The following NPR2 variants were observed in gnomAD, a reference collection of about 807,000 sequenced individuals.
NPR2 encodes natriuretic peptide receptor 2.
A neutral mutation model predicts 120.7 loss-of-function variants in NPR2; 49 were observed. That is an observed-to-expected ratio of 0.41 (90% CI 0.32 to 0.52). NPR2 has a LOEUF of 0.52. NPR2 is among the 20% of genes least tolerant of loss of function. The probability of loss-of-function intolerance (pLI) is 0.36; values close to 1 mark genes in which losing one functional copy is unlikely to be tolerated. For synonymous variants in NPR2, 484 were observed against 519.8 expected, an observed-to-expected ratio of 0.93 and a Z score of 0.94; for missense variants, 931 against 1,362.9, an observed-to-expected ratio of 0.68 and a Z score of 4.99.
chr9:35,792,732 G>A lies in NPR2; in HGVS notation c.324G>A (p.Val108=). 6.2e-7 allele frequency: 1 copy of A among 1,614,160 alleles called. No homozygotes were observed. The highest frequency in any genetic ancestry group is 8.5e-7 in the Non-Finnish European group (1 of 1,180,032). The change falls in exon 1 of 22, where the codon GTG becomes GTA. Residue 108 remains valine (V), a synonymous_variant. Transcript: ENST00000342694. Reference sequence around the variant, plus strand: ...GTTGCGTGTACCCTGCTGCCTCTGTGGCCCGCTTTGCCTCCCACTGGCGCC... The same window carrying A: ...GTTGCGTGTACCCTGCTGCCTCTGTAGCCCGCTTTGCCTCCCACTGGCGCC... ...GPGCVYPAAS[V]ARFASHWRLP...
chr9:35,806,623 TC>T lies in NPR2; in HGVS notation c.2519+89del. The T allele has an allele frequency of 6.8e-7, 1 of 1,474,882 alleles. No individual in the cohort carries two copies. The highest frequency in any genetic ancestry group is 9.5e-7 in the Non-Finnish European group (1 of 1,055,908). 91.4% of individuals were successfully genotyped at this position (1,474,882 alleles called of 1,614,324 possible). ...CTCATCAGGCACCTGAGAACTCGCC[TC>T]CCCACCCTCAGAACCCTGCTGGCCA... On this transcript the variant is annotated intron_variant, in intron 16 of 21. Coordinates refer to ENST00000342694, the MANE Select transcript of NPR2 (RefSeq NM_003995.4). This position sits in a 1 kb window ranked among gnomAD's most constrained non-coding sequence, Gnocchi z 4.6.
chr9:35,799,689 A>G lies in NPR2; in HGVS notation c.945A>G (p.Ile315Met). The G allele has an allele frequency of 6.2e-7, 1 of 1,613,984 alleles. No homozygotes were observed. The highest frequency in any genetic ancestry group is 8.5e-7 in the Non-Finnish European group (1 of 1,179,964). ...AGGAATTCCAGAATCGTCTGCTGATAAGAGCCCGGGAAGACTTTGGTGTGG... is the reference window on the plus strand; with the variant it reads ...AGGAATTCCAGAATCGTCTGCTGATGAGAGCCCGGGAAGACTTTGGTGTGG... ...EYQEFQNRLL[I>M]RAREDFGVEL... The change falls in exon 3 of 22, where the codon ATA (isoleucine) becomes ATG (methionine). Residue 315 changes from isoleucine (I) to methionine (M), a missense_variant. This residue lies in a region of NPR2 where 681 missense variants were observed against 974.3 expected (regional missense o/e 0.70). Transcript: ENST00000342694.
At chr9:35,798,358 A>G (rs1311554026) in intron 2 of NPR2, among the ~76,000 whole-genome samples, 1 of 152,186 alleles carries the variant, frequency 6.6e-6, no homozygotes, top group Non-Finnish European at 1.5e-5. Flanking sequence ...CTTTTTAAAA[A>G]AATTTTACCT....
rs1563991235 is a variant in NPR2 at position 35,806,186 on chromosome 9, G to A, written c.2325G>A (p.Glu775=). ...MERCWAQDPA[E]RPDFGQIKGF... is the part of the protein sequence containing the mutation. ...GATGTTGGGCTCAGGACCCAGCTGA[G>A]CGGCCAGACTTTGGACAGATTAAGG... Residue 775 remains glutamate (E), a synonymous_variant, in exon 15 of 22, where the codon GAG becomes GAA. Transcript: ENST00000342694. This position sits in a 1 kb window ranked among gnomAD's most constrained non-coding sequence, Gnocchi z 4.6. 2.5e-6 allele frequency: 4 copies of A among 1,614,232 alleles called. No individual in the cohort carries two copies. The highest frequency in any genetic ancestry group is 2.2e-5 in the East Asian group (1 of 44,876).
In NPR2 at chr9:35,808,723, C is replaced by T; in HGVS notation, c.2888-32C>T. 6.2e-7 allele frequency: 1 copy of T among 1,611,836 alleles called. No homozygotes were observed. Among genetic ancestry groups the T allele is most frequent in the Middle Eastern group, 1.7e-4 (1 of 6,060 alleles). ...CACTCCAGCCCTAGTCTCCACCTTT[C>T]CCAGACTCTCCCAACCTGTTTCTTC... On this transcript the variant is annotated intron_variant, in intron 19 of 21. Transcript: ENST00000342694. This position sits in a 1 kb window ranked among gnomAD's most constrained non-coding sequence, Gnocchi z 4.0.
At position 35,792,524 on chromosome 9, in the gene NPR2, C is replaced by T; in HGVS notation, c.116C>T (p.Ala39Val). The change falls in exon 1 of 22, where the codon GCC (alanine) becomes GTC (valine). Residue 39 changes from alanine to valine, a missense_variant. By Grantham distance (64) the Ala-to-Val change is moderately conservative. Around this residue, in one of 3 missense-constraint regions of NPR2, gnomAD observed 681 missense variants for 974.3 expected, o/e 0.70. Coordinates refer to ENST00000342694, the MANE Select transcript of NPR2 (RefSeq NM_003995.4). ...VVLPEHNLSYAWAWPRVGPAV... is the reference protein window; with the variant it reads ...VVLPEHNLSYVWAWPRVGPAV... ...CTGCCAGAACACAACCTGAGCTATG[C>T]CTGGGCCTGGCCACGGGTGGGACCC... 2 of 1,610,740 alleles carry T rather than the reference C, an allele frequency of 1.2e-6. No individual in the cohort carries two copies. Among genetic ancestry groups the T allele is most frequent in the Non-Finnish European group, 8.5e-7 (1 of 1,179,948 alleles).
At chr9:35,793,596 A>G (rs1044830019) in intron 1 of NPR2, among the ~76,000 whole-genome samples, 1 of 152,070 alleles carries the variant, frequency 6.6e-6, no homozygotes, top group Non-Finnish European at 1.5e-5. Context: ...AGAGTCAGGG[A>G]GCAGGCCGGT....
At position 35,807,153 on chromosome 9, in the gene NPR2, G is replaced by A. The variant is rs1024082991; in HGVS notation, c.2643+7G>A. 14 of 1,270,458 alleles carry A rather than the reference G, an allele frequency of 1.1e-5. No homozygotes were observed. The Admixed American group carries it at 1.3e-4, about 12-fold the overall frequency. The allele number at this position is 1,270,458 out of a possible 1,614,324, so 78.7% of individuals were successfully genotyped here. ...AGAGAGCACCCCCATGCAGGTGAGA[G>A]CCATGGGTGAGAGGTGGCGGGTGGG... On this transcript the variant is annotated splice_region_variant and intron_variant, in intron 17 of 21. Transcript: ENST00000342694.
chr9:35,800,023 T>C lies in NPR2; in HGVS notation c.989T>C (p.Met330Thr), dbSNP rs778020322. 5.6e-6 allele frequency: 9 copies of C among 1,613,964 alleles called. No homozygotes were observed. Among genetic ancestry groups the C allele is most frequent in the Middle Eastern group, 1.7e-4 (1 of 5,938 alleles). Reference protein sequence around the residue: ...DFGVELGPSLMNLIAGCFYDG... With the variant: ...DFGVELGPSLTNLIAGCFYDG... Reference sequence around the variant, plus strand: ...TACTGCTGAAGTTGCCACCCCCAGATGAACCTCATCGCTGGCTGCTTCTAT... The same window carrying C: ...TACTGCTGAAGTTGCCACCCCCAGACGAACCTCATCGCTGGCTGCTTCTAT... The change falls in exon 4 of 22, where the codon ATG becomes ACG. Residue 330 changes from methionine to threonine, a missense_variant and splice_region_variant. Met to Thr is a moderately conservative substitution (Grantham distance 81). Coordinates refer to ENST00000342694, the MANE Select transcript of NPR2 (RefSeq NM_003995.4). This position sits in a 1 kb window ranked among gnomAD's most constrained non-coding sequence, Gnocchi z 4.7.
Position 35,809,040 on chromosome 9 carries a change from T to C in NPR2, c.2987-116T>C, listed in dbSNP as rs1828595818. On this transcript the variant is annotated intron_variant, in intron 20 of 21. Coordinates refer to ENST00000342694, the MANE Select transcript of NPR2 (RefSeq NM_003995.4). This position sits in a 1 kb window ranked among gnomAD's most constrained non-coding sequence, Gnocchi z 4.1. Reference sequence around the variant, plus strand: ...ATATTTTGGTCCTAATAGATATGCATTGGGAGCTTCCCAGGGATGGTTGGT... The same window carrying C: ...ATATTTTGGTCCTAATAGATATGCACTGGGAGCTTCCCAGGGATGGTTGGT... 6 of 1,111,288 alleles carry C rather than the reference T, an allele frequency of 5.4e-6. No individual in the cohort carries two copies. Among genetic ancestry groups the C allele is most frequent in the South Asian group, 2.5e-5 (2 of 80,874 alleles). The allele number at this position is 1,111,288 out of a possible 1,614,324, so 68.8% of individuals were successfully genotyped here.
chr9:35,793,969 A>G lies in NPR2; in HGVS notation c.739A>G (p.Asn247Asp), dbSNP rs756998921. 98 of 1,614,040 alleles carry G rather than the reference A, an allele frequency of 6.1e-5. No homozygotes were observed. The highest frequency in any genetic ancestry group is 1.6e-5 in the Non-Finnish European group (19 of 1,180,014). The change falls in exon 2 of 22, where the codon AAT becomes GAT. Residue 247 changes from asparagine (N) to aspartate (D), a missense_variant. Around this residue, in one of 3 missense-constraint regions of NPR2, gnomAD observed 681 missense variants for 974.3 expected, o/e 0.70. Transcript: ENST00000342694. ...LLQAQRENLT[N>D]GDYVFFYLDV... ...TCAGGCCCAGAGGGAGAATCTGACC[A>G]ATGGGGATTATGTCTTCTTTTACCT... is the stretch of plus-strand genomic sequence containing the variant.
intron 2 of NPR2, 46 bp downstream of exon 2, chr9:35,794,149 C>A (rs779694990): frequency 3.2e-6 from 5 of 1,560,258 alleles, no homozygotes; most frequent in Admixed American, 1.8e-5. Flanking sequence ...AGAGGTGCTT[C>A]GCTGGAAATT....
Position 35,791,787 on chromosome 9 carries a change from C to A in NPR2, c.-622C>A, listed in dbSNP as rs1393597349. 6.6e-6 allele frequency among the ~76,000 whole-genome samples: 1 copy of A among 151,856 alleles called. No homozygotes were observed. The highest frequency in any genetic ancestry group is 2.4e-5 in the African/African-American group (1 of 41,358). ...GGGGCCGCCGTAGCTCCGGATGGGACCAGCGCCCGGGCCCGTTAGTCCAAG... is the reference window on the plus strand; with the variant it reads ...GGGGCCGCCGTAGCTCCGGATGGGAACAGCGCCCGGGCCCGTTAGTCCAAG... On this transcript the variant is annotated 5_prime_UTR_variant, in exon 1 of 22. Transcript: ENST00000342694.
intron 2 of NPR2, among the ~76,000 whole-genome samples, 170 bp from the exon 3 acceptor site, chr9:35,799,448 A>G (rs569574024): frequency 4.0e-5 from 6 of 151,232 alleles, no homozygotes; most frequent in East Asian, 1.9e-4. Context: ...ACACACACGC[A>G]CACACACACG....
At position 35,808,004 on chromosome 9, in the gene NPR2, C is replaced by T; in HGVS notation, c.2713-505C>T. ...CTATTTAGGGATAACTACTTTATCC[C>T]TAAATACTTAGTGTGTATTTCCTAA... is the stretch of plus-strand genomic sequence containing the variant. On this transcript the variant is annotated intron_variant, in intron 18 of 21. Transcript: ENST00000342694. This position sits in a 1 kb window ranked among gnomAD's most constrained non-coding sequence, Gnocchi z 4.0. The T allele has an allele frequency of 1.6e-6, 1 of 617,354 alleles. No homozygotes were observed. Among genetic ancestry groups the T allele is most frequent in the East Asian group, 2.7e-5 (1 of 37,330 alleles). 38.2% of individuals were successfully genotyped at this position (617,354 alleles called of 1,614,324 possible).
In NPR2 at chr9:35,800,554, A is replaced by G. The variant is rs1828111104; in HGVS notation, c.1218+71A>G. 12 of 1,564,674 alleles carry G rather than the reference A, an allele frequency of 7.7e-6. No individual in the cohort carries two copies. The highest frequency in any genetic ancestry group is 1.1e-5 in the Non-Finnish European group (12 of 1,135,800). On this transcript the variant is annotated intron_variant, in intron 5 of 21. Transcript: ENST00000342694. This position sits in a 1 kb window ranked among gnomAD's most constrained non-coding sequence, Gnocchi z 4.7. ...CAGCTTTCAAGGGTTCAGTCGGGGC[A>G]GAACCAAAACTACTAGATGAGGGAT...
rs764024797 is a variant in NPR2, at chr9:35,802,642, G to C, written c.1815+35G>C. ...AGGTGTAGGAGATTATGGCAGGGGT[G>C]GGAAGGATAGACCCAAAGTTATACT... On this transcript the variant is annotated intron_variant, in intron 11 of 21. Transcript: ENST00000342694. The surrounding 1 kb of genome is among the most constrained non-coding windows in gnomAD (Gnocchi z 4.2). 6.7e-7 allele frequency: 1 copy of C among 1,485,828 alleles called. No individual in the cohort carries two copies. The highest frequency in any genetic ancestry group is 1.4e-5 in the African/African-American group (1 of 72,110). 92.0% of individuals were successfully genotyped at this position (1,485,828 alleles called of 1,614,324 possible).
intron 2 of NPR2, among the ~76,000 whole-genome samples, chr9:35,795,038 ACT>A (rs1356324776): frequency 6.6e-6 from 1 of 151,792 alleles, no homozygotes; most frequent in Non-Finnish European, 1.5e-5. Flanking sequence ...TGTTGGCATG[ACT>A]CTGTTCATTT....
At position 35,807,884 on chromosome 9, in the gene NPR2, A is replaced by G. The variant is rs1404535080; in HGVS notation, c.2712+486A>G. ...CTGTGTGGCCTTAGGTAAGTCACAG[A>G]ATCTCCCTGAGCCTCAGTTGTTTTA... On this transcript the variant is annotated intron_variant, in intron 18 of 21. Coordinates refer to ENST00000342694, the MANE Select transcript of NPR2 (RefSeq NM_003995.4). Among the ~76,000 whole-genome samples the G allele has an allele frequency of 5.3e-5, 8 of 152,194 alleles. No homozygotes were observed. The East Asian group carries it at 1.3e-3, about 26-fold the overall frequency.
Sources: allele counts gnomAD v4.1 joint callset (sites outside exome capture counted in the v4.1 genomes callset), GRCh38; gene constraint gnomAD v4.1.1; regional missense constraint gnomAD v4.1.1; non-coding constraint Gnocchi (gnomAD v3.1); transcripts MANE v1.5; gene names NCBI Gene and HGNC (gene_info 2026-07-23, HGNC 2026-07-21).